Variants in ANO4 observed in about 807,000 individuals in gnomAD.
ANO4 encodes anoctamin 4, also known as anoctamin-4.
A neutral mutation model predicts 141.9 loss-of-function variants in ANO4; 69 were observed. That is an observed-to-expected ratio of 0.49 (90% confidence interval 0.40 to 0.59). The LOEUF (loss-of-function observed/expected upper bound fraction) is 0.59. Among genes scored for constraint, ANO4 ranks in the 20% least tolerant of loss-of-function variants. The pLI is 0.00. For missense variants in ANO4, 894 were observed against 1,162.2 expected, an observed-to-expected ratio of 0.77 and a Z score of 3.36; for synonymous variants, 350 against 394.3, an observed-to-expected ratio of 0.89 and a Z score of 1.33.
intron 5 of ANO4, among the ~76,000 whole-genome samples, chr12:100,945,083 G>T (rs1020263514): frequency 6.6e-6 from 1 of 152,104 alleles, no homozygotes; most frequent in African/African-American, 2.4e-5. Flanking sequence ...TATCTGAAAC[G>T]TTTGACACTA....
chr12:101,008,510 A>G (rs538911324), intron 8 of ANO4, among the ~76,000 whole-genome samples: 1 of 152,328 alleles, frequency 6.6e-6, no homozygotes, highest in Admixed American at 6.5e-5. Flanking sequence ...CAACGTAGTT[A>G]TATTACAATT....
intron 1 of ANO4, among the ~76,000 whole-genome samples, chr12:100,847,093 T>A (rs1018119966): frequency 1.4e-4 from 21 of 152,204 alleles, no homozygotes; most frequent in African/African-American, 5.1e-4. Flanking sequence ...TTACCCCATG[T>A]CCTTATTGTG....
rs538868237 is a variant in ANO4 at position 100,819,606 on chromosome 12, C to A, written c.-141+24579C>A. Among the ~76,000 whole-genome samples, 33 of 151,824 alleles carry A rather than the reference C, an allele frequency of 2.2e-4. 1 individual carries two copies. The highest frequency in any genetic ancestry group is 6.8e-3 in the Middle Eastern group (2 of 294). The stretch of plus-strand genomic sequence containing the variant: ...TGGAGGAAATGTATATTTTAAAATT[C>A]TTGGTGGTAATTAGTGATGATAGGT... On this transcript the variant is annotated intron_variant, in intron 1 of 27. Coordinates refer to ENST00000392977, the MANE Select transcript of ANO4 (RefSeq NM_001286615.2).
At chr12:100,771,373 G>A (rs2033290827) in intron 3 of ANO4, among the ~76,000 whole-genome samples, 1 of 152,196 alleles carries the variant, frequency 6.6e-6, no homozygotes, top group Non-Finnish European at 1.5e-5. Context: ...GCTGTCAGGT[G>A]TCAGGGTAGC....
intron 1 of ANO4, among the ~76,000 whole-genome samples, chr12:100,893,556 T>A (rs929505143): frequency 1.3e-5 from 2 of 152,084 alleles, no homozygotes; most frequent in African/African-American, 4.8e-5. Context: ...TTTATGATAA[T>A]AGCAGAAGCA....
chr12:101,001,938 CT>C (rs762313345), intron 8 of ANO4, among the ~76,000 whole-genome samples: 2 of 152,172 alleles, frequency 1.3e-5, no homozygotes, highest in Admixed American at 1.3e-4. Flanking sequence ...TTCCTCACCC[CT>C]GATACAACAC....
At position 100,767,817 on chromosome 12, in the gene ANO4, T is replaced by G. The variant is rs1194734285; in HGVS notation, c.358+27712T>G. 2.0e-5 allele frequency among the ~76,000 whole-genome samples: 3 copies of G among 152,236 alleles called. No individual in the cohort carries two copies. The East Asian group carries it at 5.8e-4, about 29-fold the overall frequency. The stretch of plus-strand genomic sequence containing the variant: ...ACAGTTATAAAAGTGTATTTTAAGC[T>G]GATAACAACTTTACTTTGACCACGT... On this transcript the variant is annotated intron_variant, in intron 3 of 29. Coordinates refer to the ANO4 transcript ENST00000644049.
At chr12:100,741,744 GT>G (rs1418875655) in intron 3 of ANO4, among the ~76,000 whole-genome samples, 5 of 152,292 alleles carry the variant, frequency 3.3e-5, no homozygotes, top group Non-Finnish European at 7.4e-5. Flanking sequence ...TTTCTGTATA[GT>G]AAGTTTAAAA....
At chr12:101,109,704 C>G (rs1259843106) in intron 22 of ANO4, among the ~76,000 whole-genome samples, 2 of 152,104 alleles carry the variant, frequency 1.3e-5, no homozygotes, top group Non-Finnish European at 2.9e-5. Flanking sequence ...ATACACTTCC[C>G]CCTACTAATT....
chr12:100,806,274 A>G (rs376083088), intron 1 of ANO4, among the ~76,000 whole-genome samples: 5 of 152,238 alleles, frequency 3.3e-5, no homozygotes, highest in African/African-American at 9.6e-5. Context: ...GAAGTGCGCC[A>G]GTTTATACTC....
At chr12:100,794,692 C>G (rs1047195867), upstream of ANO4, 2 of 152,272 alleles carry the variant, frequency 1.3e-5, no homozygotes, top group Non-Finnish European at 2.9e-5. Context: ...CACCCTCCCC[C>G]GACCATGCCT....
intron 24 of ANO4, among the ~76,000 whole-genome samples, chr12:101,114,262 T>G (rs912390395): frequency 3.3e-5 from 5 of 152,208 alleles, no homozygotes; most frequent in Non-Finnish European, 7.3e-5. Context: ...TGATGACAAC[T>G]TTCACTATTT....
chr12:100,947,158 A>G (rs2042760766), intron 5 of ANO4, among the ~76,000 whole-genome samples: 1 of 152,232 alleles, frequency 6.6e-6, no homozygotes, highest in African/African-American at 2.4e-5. Flanking sequence ...TGGAGTATGA[A>G]GTTTGGTCAA....
At chr12:100,887,881 A>G (rs1339870330) in intron 1 of ANO4, among the ~76,000 whole-genome samples, 1 of 152,210 alleles carries the variant, frequency 6.6e-6, no homozygotes, top group African/African-American at 2.4e-5. Flanking sequence ...GTTTATGTCT[A>G]GCTGTGGGAG....
chr12:100,809,639 G>A (rs919075296), intron 1 of ANO4, among the ~76,000 whole-genome samples: 5 of 152,322 alleles, frequency 3.3e-5, no homozygotes, highest in African/African-American at 1.2e-4. Context: ...AGTCTATGGG[G>A]CTTAGGAGAT....
In ANO4 at chr12:100,803,508, G is replaced by A. The variant is rs572184964; in HGVS notation, c.-141+8481G>A. Among the ~76,000 whole-genome samples, 12 of 152,302 alleles carry A rather than the reference G, an allele frequency of 7.9e-5. No individual in the cohort carries two copies. In the South Asian group the frequency reaches 2.5e-3, roughly 32 times the overall value. On this transcript the variant is annotated intron_variant, in intron 1 of 27. Transcript: ENST00000392977. Reference sequence around the variant, plus strand: ...TCCCAATATTCCCATCCTATATTTTGTGGGATCTTTAATTCAGCATCAATG... The same window carrying A: ...TCCCAATATTCCCATCCTATATTTTATGGGATCTTTAATTCAGCATCAATG...
chr12:100,900,160 G>A (rs1354989088), intron 1 of ANO4, among the ~76,000 whole-genome samples: 2 of 152,140 alleles, frequency 1.3e-5, no homozygotes, highest in Non-Finnish European at 2.9e-5. Context: ...TATTACAGGT[G>A]TCAGGAATAG....
intron 9 of ANO4, among the ~76,000 whole-genome samples, chr12:101,033,112 A>G (rs2047044006): frequency 6.6e-6 from 1 of 152,244 alleles, no homozygotes; most frequent in Non-Finnish European, 1.5e-5. Context: ...TGTGGCACAT[A>G]TACACCATGG....
intron 5 of ANO4, among the ~76,000 whole-genome samples, chr12:100,943,408 G>T (rs540174517): frequency 1.6e-4 from 25 of 152,282 alleles, no homozygotes; most frequent in African/African-American, 4.8e-4. Flanking sequence ...GTATGATACA[G>T]TTGCAGTTCG....
Sources: gnomAD v4.1 joint callset for allele counts (sites outside exome capture counted in the v4.1 genomes callset) on GRCh38, gnomAD v4.1.1 for gene constraint, MANE v1.5 for transcripts, NCBI Gene and HGNC (gene_info 2026-07-23, HGNC 2026-07-21) for gene names.